Variants in DGKI observed in about 807,000 individuals in gnomAD.
DGKI encodes the protein diacylglycerol kinase iota, also known as DAG kinase iota.
Under a neutral mutation model 147.5 loss-of-function variants are expected in DGKI, and 55 were observed. The ratio of observed to expected loss-of-function variants is 0.37; its 90% CI spans 0.30 to 0.47. The LOEUF (loss-of-function observed/expected upper bound fraction) is 0.47, where lower values mean the gene tolerates loss of function less well. Among genes scored for constraint, DGKI ranks in the 20% least tolerant of loss-of-function variants. The pLI, the probability that DGKI is intolerant of heterozygous loss-of-function variation, is 1.00. For missense variants in DGKI, 1,007 were observed against 1,323.8 expected, an observed-to-expected ratio of 0.76 and a Z score of 3.71; for synonymous variants, 469 against 477.1, an observed-to-expected ratio of 0.98 and a Z score of 0.22.
At chr7:137,414,013 T>C (rs533202180) in intron 28 of DGKI, among the ~76,000 whole-genome samples, 1 of 152,314 alleles carries the variant, frequency 6.6e-6, no homozygotes, top group Middle Eastern at 3.4e-3. Flanking sequence ...AGAAAAATAA[T>C]TTAAATGTAT....
chr7:137,584,980 G>A (rs142431603), intron 14 of DGKI, among the ~76,000 whole-genome samples: 4 of 152,318 alleles, frequency 2.6e-5, no homozygotes, highest in African/African-American at 9.6e-5. Context: ...ACAGAGAAGA[G>A]CTCCCTGAGC....
chr7:137,746,902 C>T (rs899197651), intron 1 of DGKI, among the ~76,000 whole-genome samples: 1 of 152,092 alleles, frequency 6.6e-6, no homozygotes, highest in Non-Finnish European at 1.5e-5. Context: ...AAGAAGTCCT[C>T]TCAAAACATC....
intron 27 of DGKI, among the ~76,000 whole-genome samples, chr7:137,444,478 G>T (rs570957175): frequency 1.3e-5 from 2 of 152,348 alleles, no homozygotes; most frequent in African/African-American, 4.8e-5. Flanking sequence ...ATTAGATTGG[G>T]TGTCTGTAGA....
chr7:137,410,572 G>A (rs1812125928), intron 29 of DGKI, among the ~76,000 whole-genome samples: 1 of 152,170 alleles, frequency 6.6e-6, no homozygotes, highest in Non-Finnish European at 1.5e-5. Flanking sequence ...CAACCAGCTG[G>A]ATATAGTGAT....
At chr7:137,778,686 A>G (rs1796434945) in intron 1 of DGKI, among the ~76,000 whole-genome samples, 1 of 152,194 alleles carries the variant, frequency 6.6e-6, no homozygotes. Flanking sequence ...ACAAACTGCA[A>G]TGAATGAAAT....
At chr7:137,665,328 A>G (rs1186341446) in intron 3 of DGKI, among the ~76,000 whole-genome samples, 5 of 152,194 alleles carry the variant, frequency 3.3e-5, no homozygotes, top group Non-Finnish European at 7.4e-5. Flanking sequence ...AGCCTCCACT[A>G]AGGTCAGTGT....
intron 1 of DGKI, among the ~76,000 whole-genome samples, chr7:137,757,929 C>T (rs548434695): frequency 6.6e-6 from 1 of 152,318 alleles, no homozygotes; most frequent in South Asian, 2.1e-4. Context: ...CTCTTTCCAA[C>T]TTTGAGAGAG....
chr7:137,767,461 A>AGAAGG (rs1554474385), intron 1 of DGKI, among the ~76,000 whole-genome samples: 3 of 140,152 alleles, frequency 2.1e-5, no homozygotes, highest in East Asian at 2.2e-4. Flanking sequence ...GTTCCAAAAG[A>AGAAGG]GAAGAGAAGG....
intron 1 of DGKI, among the ~76,000 whole-genome samples, chr7:137,785,012 A>G (rs1425418984): frequency 6.6e-6 from 1 of 152,052 alleles, no homozygotes; most frequent in Non-Finnish European, 1.5e-5. Flanking sequence ...GCCTGTATCA[A>G]AAAGTCTGAA....
At chr7:137,721,296 T>C (rs1319803731) in intron 1 of DGKI, among the ~76,000 whole-genome samples, 1 of 152,220 alleles carries the variant, frequency 6.6e-6, no homozygotes, top group African/African-American at 2.4e-5. Flanking sequence ...GTGTCTGTAC[T>C]AGTAACTAGT....
intron 19 of DGKI, among the ~76,000 whole-genome samples, chr7:137,565,607 G>C (rs889607991): frequency 1.3e-5 from 2 of 152,104 alleles, no homozygotes; most frequent in African/African-American, 4.8e-5. Flanking sequence ...TAAAGTTTAC[G>C]AGACTGAAAT....
chr7:137,750,578 T>C (rs1795465509), intron 1 of DGKI, among the ~76,000 whole-genome samples: 1 of 152,064 alleles, frequency 6.6e-6, no homozygotes, highest in South Asian at 2.1e-4. Context: ...CTCACCTTCC[T>C]CTCTCAAAAA....
intron 1 of DGKI, among the ~76,000 whole-genome samples, chr7:137,715,875 A>G (rs1794361020): frequency 6.6e-6 from 1 of 152,228 alleles, no homozygotes; most frequent in South Asian, 2.1e-4. Context: ...CAGCCTGAGA[A>G]GAACTTTACC....
chr7:137,758,093 T>G (rs1795744108), intron 1 of DGKI, among the ~76,000 whole-genome samples: 1 of 152,232 alleles, frequency 6.6e-6, no homozygotes, highest in Non-Finnish European at 1.5e-5. Context: ...TATCTTGGGC[T>G]ATACATGCTT....
intron 1 of DGKI, among the ~76,000 whole-genome samples, chr7:137,829,094 C>G (rs1038620003): frequency 1.1e-4 from 16 of 152,202 alleles, no homozygotes; most frequent in Non-Finnish European, 2.4e-4. Flanking sequence ...GATGGCAAAA[C>G]AGCTAGGCCA....
chr7:137,591,992 A>C (rs898855217), intron 12 of DGKI, among the ~76,000 whole-genome samples: 1 of 152,248 alleles, frequency 6.6e-6, no homozygotes, highest in African/African-American at 2.4e-5. Context: ...GGCTATAAAA[A>C]ACAAAATGGA....
intron 23 of DGKI, among the ~76,000 whole-genome samples, chr7:137,482,744 G>C (rs771780221): frequency 4.6e-5 from 7 of 151,990 alleles, no homozygotes; most frequent in African/African-American, 1.7e-4. Flanking sequence ...CTCTGGCCAC[G>C]TTAGTTCTAA....
intron 1 of DGKI, among the ~76,000 whole-genome samples, chr7:137,716,168 T>C (rs1794370333): frequency 6.6e-6 from 1 of 152,232 alleles, no homozygotes; most frequent in East Asian, 1.9e-4. Context: ...ATCTTTCTTA[T>C]TCACGACTTT....
At chr7:137,831,041 T>C (rs1765216848) in intron 1 of DGKI, among the ~76,000 whole-genome samples, 1 of 152,204 alleles carries the variant, frequency 6.6e-6, no homozygotes, top group African/African-American at 2.4e-5. Flanking sequence ...CTAACACATA[T>C]TAAGTATTCA....
Sources: allele counts gnomAD v4.1 joint callset (sites outside exome capture counted in the v4.1 genomes callset), GRCh38; gene constraint gnomAD v4.1.1; transcripts MANE v1.5; gene names NCBI Gene and HGNC (gene_info 2026-07-23, HGNC 2026-07-21).